The following SNTG2 variants were observed in gnomAD, a reference collection of about 807,000 sequenced individuals.
SNTG2 encodes gamma-2-syntrophin.
Under a neutral mutation model 70.9 loss-of-function variants are expected in SNTG2, and 74 were observed. The observed-to-expected ratio is 1.04, with a 90% CI of 0.86 to 1.27. SNTG2 has a LOEUF of 1.27. SNTG2 is among the 50% of genes most tolerant of loss of function. The pLI, the probability that SNTG2 is intolerant of heterozygous loss-of-function variation, is 0.00. For missense variants in SNTG2, 717 were observed against 690.7 expected (o/e 1.04, Z -0.43); for synonymous variants, 278 against 273.8 (o/e 1.02, Z -0.15).
chr2:1,045,942 T>C (rs1661710077), intron 1 of SNTG2, among the ~76,000 whole-genome samples: 1 of 152,192 alleles, frequency 6.6e-6, no homozygotes, highest in South Asian at 2.1e-4. Context: ...TTCTGCCTCA[T>C]TGATCTAGTA....
chr2:1,222,095 G>GTCTCTC (rs1553362250), intron 9 of SNTG2, among the ~76,000 whole-genome samples: 1 of 6,970 alleles, frequency 1.4e-4, no homozygotes, highest in Non-Finnish European at 2.9e-4. Flanking sequence ...GTCTCTCTCT[G>GTCTCTC]TCTCTCTCTG....
intron 1 of SNTG2, among the ~76,000 whole-genome samples, chr2:1,081,176 G>T (rs891864117): frequency 2.4e-4 from 36 of 152,330 alleles, no homozygotes; most frequent in Admixed American, 1.0e-3. Flanking sequence ...TGGGCTAGGG[G>T]CTCAGTGCTT....
At chr2:1,318,619 C>G (rs543877462) in intron 16 of SNTG2, among the ~76,000 whole-genome samples, 1 of 152,228 alleles carries the variant, frequency 6.6e-6, no homozygotes, top group Non-Finnish European at 1.5e-5. Context: ...ATCCTGGGGT[C>G]GTCAGCCACC....
At chr2:1,113,534 GGTTT>G (rs1666675884) in intron 4 of SNTG2, among the ~76,000 whole-genome samples, 1 of 151,998 alleles carries the variant, frequency 6.6e-6, no homozygotes, top group African/African-American at 2.4e-5. Flanking sequence ...TGTGTACTGA[GGTTT>G]AACCCTTACA....
At chr2:965,717 G>C (rs1660539376) in intron 1 of SNTG2, among the ~76,000 whole-genome samples, 8 of 151,980 alleles carry the variant, frequency 5.3e-5, no homozygotes, top group Admixed American at 5.2e-4. Context: ...GGATGGGGTG[G>C]GGGGTTTCCT....
intron 11 of SNTG2, among the ~76,000 whole-genome samples, chr2:1,244,468 T>G (rs149454864): frequency 0.023 from 3,504 of 152,046 alleles, 134 homozygotes; most frequent in African/African-American, 0.08. Flanking sequence ...AGGCCGAGGC[T>G]GGCGGATCAC....
At chr2:1,243,187 A>G (rs373939239) in intron 11 of SNTG2, among the ~76,000 whole-genome samples, 1 of 152,248 alleles carries the variant, frequency 6.6e-6, no homozygotes, top group African/African-American at 2.4e-5. Context: ...TTGGGCCAAC[A>G]GTAGCTCTTT....
At chr2:990,751 A>G (rs867684224) in intron 1 of SNTG2, among the ~76,000 whole-genome samples, 8 of 152,166 alleles carry the variant, frequency 5.3e-5, no homozygotes, top group Non-Finnish European at 2.9e-5. Flanking sequence ...GAGAAAGCAC[A>G]TTATTAAAAT....
intron 13 of SNTG2, among the ~76,000 whole-genome samples, chr2:1,266,094 G>A (rs1231181131): frequency 1.3e-5 from 2 of 151,900 alleles, no homozygotes; most frequent in Admixed American, 6.6e-5. Context: ...CAGAGAAACA[G>A]ACATAAAATA....
Position 1,252,871 on chromosome 2 carries a change from A to G in SNTG2, c.1005+5428A>G, listed in dbSNP as rs1206445319. 2.0e-5 allele frequency among the ~76,000 whole-genome samples: 3 copies of G among 152,210 alleles called. No individual in the cohort carries two copies. The East Asian group carries it at 5.8e-4, about 29-fold the overall frequency. On this transcript the variant is annotated intron_variant, in intron 12 of 16. Coordinates refer to ENST00000308624, the MANE Select transcript of SNTG2 (RefSeq NM_018968.4). ...CAACTTCTCATTGCAAAATCAATAC[A>G]CACAATATGGTGAATAAATTTACAT...
At chr2:1,284,076 A>T (rs578065947) in intron 14 of SNTG2, among the ~76,000 whole-genome samples, 2 of 152,168 alleles carry the variant, frequency 1.3e-5, no homozygotes, top group South Asian at 4.2e-4. Context: ...GCTCCTGTGA[A>T]TCTCCCCCGG....
chr2:1,298,106 T>C (rs1184498180), intron 14 of SNTG2, among the ~76,000 whole-genome samples: 1 of 152,178 alleles, frequency 6.6e-6, no homozygotes, highest in African/African-American at 2.4e-5. Flanking sequence ...ACAGTGTATT[T>C]TATATACATT....
chr2:1,101,164 C>T (rs79432033), intron 4 of SNTG2, among the ~76,000 whole-genome samples: 103 of 152,324 alleles, frequency 6.8e-4, no homozygotes, highest in African/African-American at 2.2e-3. Context: ...CTCCCAGGCT[C>T]GCATTCTGTG....
intron 1 of SNTG2, among the ~76,000 whole-genome samples, chr2:1,037,802 A>G (rs781683844): frequency 1.6e-4 from 24 of 152,192 alleles, no homozygotes; most frequent in Non-Finnish European, 3.4e-4. Flanking sequence ...GCTGAATAAT[A>G]TTCCATTTTA....
At chr2:1,260,838 A>G (rs1393488961) in intron 13 of SNTG2, among the ~76,000 whole-genome samples, 1 of 152,116 alleles carries the variant, frequency 6.6e-6, no homozygotes, top group Non-Finnish European at 1.5e-5. Flanking sequence ...CTCCTCATCA[A>G]CACATTTTCG....
intron 1 of SNTG2, among the ~76,000 whole-genome samples, chr2:1,075,606 C>T (rs1259632219): frequency 6.6e-6 from 1 of 152,118 alleles, no homozygotes; most frequent in Non-Finnish European, 1.5e-5. Context: ...GAGTGGCGTT[C>T]GTTTTTCTTC....
chr2:1,290,915 G>A lies in SNTG2; in HGVS notation c.1285-17579G>A, dbSNP rs73908821. ...AATTTTTAAATTATAAGGAGTTACT[G>A]TACTGTTTTCCATAACATTACAAAA... On this transcript the variant is annotated intron_variant, in intron 14 of 16. Transcript: ENST00000308624. Among the ~76,000 whole-genome samples the A allele has an allele frequency of 3.4e-3, 514 of 152,294 alleles. 4 individuals carry two copies. Among genetic ancestry groups the A allele is most frequent in the African/African-American group, 0.012 (500 of 41,550 alleles).
At chr2:1,262,082 T>C (rs999151092) in intron 13 of SNTG2, among the ~76,000 whole-genome samples, 7 of 152,188 alleles carry the variant, frequency 4.6e-5, no homozygotes, top group African/African-American at 1.7e-4. Context: ...TAAAGCCATG[T>C]CAGGACAAAA....
intron 16 of SNTG2, among the ~76,000 whole-genome samples, chr2:1,342,242 G>C (rs1317920060): frequency 1.3e-5 from 2 of 152,164 alleles, no homozygotes; most frequent in East Asian, 1.9e-4. Flanking sequence ...GATTACATTT[G>C]TCTCTTGAGG....
Sources: gnomAD v4.1 joint callset for allele counts (sites outside exome capture counted in the v4.1 genomes callset) on GRCh38, gnomAD v4.1.1 for gene constraint, MANE v1.5 for transcripts, NCBI Gene and HGNC (gene_info 2026-07-23, HGNC 2026-07-21) for gene names.